EPO: variants seen among roughly 807,000 people sequenced by gnomAD.
EPO encodes erythropoietin.
EPO carries 12 observed loss-of-function variants against 24.4 expected under a neutral mutation model. That is an observed-to-expected ratio of 0.49 (90% CI 0.32 to 0.80). EPO has a LOEUF of 0.80. Ranked by LOEUF, EPO falls within the 30% of genes least tolerant of loss-of-function variation. EPO has a pLI of 0.04. For missense variants in EPO, 210 were observed against 238.0 expected (o/e 0.88, Z 0.77); for synonymous variants, 107 against 104.0 (o/e 1.03, Z -0.18).
chr7:100,721,574 G>C lies in EPO; in HGVS notation c.30G>C (p.Leu10=). ...CTGTTCTAGAATGTCCTGCCTGGCT[G>C]TGGCTTCTCCTGTCCCTGCTGTCGC... MGVHECPAW[L]WLLLSLLSLP... The change falls in exon 2 of 5, where the codon CTG becomes CTC. Residue 10 remains leucine, a synonymous_variant. Coordinates refer to ENST00000252723, the MANE Select transcript of EPO (RefSeq NM_000799.4). The surrounding 1 kb of genome is among the most constrained non-coding windows in gnomAD (Gnocchi z 4.0). 6.2e-7 allele frequency: 1 copy of C among 1,614,038 alleles called. No homozygotes were observed. The highest frequency in any genetic ancestry group is 1.1e-5 in the South Asian group (1 of 91,086).
In EPO at chr7:100,723,226, G is replaced by T. The variant is rs141911577; in HGVS notation, c.*93G>T. The T allele has an allele frequency of 7.4e-5, 108 of 1,469,200 alleles. No individual in the cohort carries two copies. In the East Asian group the frequency reaches 1.8e-3, roughly 24 times the overall value. The allele number at this position is 1,469,200 out of a possible 1,614,324, so 91.0% of individuals were successfully genotyped here. On this transcript the variant is annotated 3_prime_UTR_variant, in exon 5 of 5. Coordinates refer to ENST00000252723, the MANE Select transcript of EPO (RefSeq NM_000799.4). ...CGCCACTCCTGAACCCCGTCGAGGG[G>T]CTCTCAGCTCAGCGCCAGCCTGTCC...
Position 100,721,589 on chromosome 7 carries a change from C to A in EPO, c.45C>A (p.Ser15=), listed in dbSNP as rs767873303. The change falls in exon 2 of 5, where the codon TCC becomes TCA. Residue 15 remains serine (S), a synonymous_variant. Transcript: ENST00000252723. The surrounding 1 kb of genome is among the most constrained non-coding windows in gnomAD (Gnocchi z 4.0). ...CTGCCTGGCTGTGGCTTCTCCTGTC[C>A]CTGCTGTCGCTCCCTCTGGGCCTCC... ...ECPAWLWLLL[S]LLSLPLGLPV... is the part of the protein sequence containing the mutation. The A allele has an allele frequency of 1.2e-6, 2 of 1,614,036 alleles. No individual in the cohort carries two copies. Among genetic ancestry groups the A allele is most frequent in the Non-Finnish European group, 1.7e-6 (2 of 1,180,030 alleles).
In EPO at chr7:100,723,190, A is replaced by C; in HGVS notation, c.*57A>C. On this transcript the variant is annotated 3_prime_UTR_variant, in exon 5 of 5. Transcript: ENST00000252723. ...CTCCCTCACCAACATTGCTTGTGCC[A>C]CACCCTCCCCCGCCACTCCTGAACC... is the stretch of plus-strand genomic sequence containing the variant. The C allele has an allele frequency of 7.2e-6, 11 of 1,526,772 alleles. No homozygotes were observed. Among genetic ancestry groups the C allele is most frequent in the Middle Eastern group, 4.6e-4 (2 of 4,362 alleles). The allele number at this position is 1,526,772 out of a possible 1,614,324, so 94.6% of individuals were successfully genotyped here. A position where few individuals can be genotyped will look rare whatever the true frequency, so the allele number is the denominator to read the frequency against.
chr7:100,721,689 G>T lies in EPO; in HGVS notation c.145G>T (p.Ala49Ser), dbSNP rs781053357. Residue 49 changes from alanine (A) to serine (S), a missense_variant, in exon 2 of 5, where the codon GCC becomes TCC. Ala to Ser is a moderately conservative substitution (Grantham distance 99). Coordinates refer to ENST00000252723, the MANE Select transcript of EPO (RefSeq NM_000799.4). The surrounding 1 kb of genome is among the most constrained non-coding windows in gnomAD (Gnocchi z 4.0). Reference sequence around the variant, plus strand: ...GAGGTACCTCTTGGAGGCCAAGGAGGCCGAGAATATCACGGTGAGACCCCT... The same window carrying T: ...GAGGTACCTCTTGGAGGCCAAGGAGTCCGAGAATATCACGGTGAGACCCCT... ...LERYLLEAKE[A>S]ENITTGCAEH... 2 of 1,610,612 alleles carry T rather than the reference G, an allele frequency of 1.2e-6. No individual in the cohort carries two copies. The highest frequency in any genetic ancestry group is 1.7e-6 in the Non-Finnish European group (2 of 1,179,936).
chr7:100,723,041 A>G lies in EPO; in HGVS notation c.490A>G (p.Thr164Ala), dbSNP rs1164340906. The change falls in exon 5 of 5, where the codon ACT becomes GCT. Residue 164 changes from threonine to alanine, a missense_variant. Thr to Ala is a moderately conservative substitution (Grantham distance 58). Transcript: ENST00000252723. ...TCCACTCCGAACAATCACTGCTGAC[A>G]CTTTCCGCAAACTCTTCCGAGTCTA... is the stretch of plus-strand genomic sequence containing the variant. Reference protein sequence around the residue: ...AAPLRTITADTFRKLFRVYSN... With the variant: ...AAPLRTITADAFRKLFRVYSN... 3 of 1,614,080 alleles carry G rather than the reference A, an allele frequency of 1.9e-6. No individual in the cohort carries two copies. Among genetic ancestry groups the G allele is most frequent in the Non-Finnish European group, 2.5e-6 (3 of 1,180,036 alleles).
Position 100,721,006 on chromosome 7 carries a change from G to T in EPO, c.13+13G>T. On this transcript the variant is annotated intron_variant, in intron 1 of 4. Transcript: ENST00000252723. This position sits in a 1 kb window ranked among gnomAD's most constrained non-coding sequence, Gnocchi z 4.0. ...ATGGGGGTGCACGGTGAGTACTCGC[G>T]GGCTGGGCGCTCCCGCCCGCCCGGG... The T allele has an allele frequency of 6.3e-7, 1 of 1,575,770 alleles. No homozygotes were observed. Among genetic ancestry groups the T allele is most frequent in the South Asian group, 1.2e-5 (1 of 86,700 alleles).
In EPO at chr7:100,720,970, C is replaced by T; in HGVS notation, c.-11C>T. Reference sequence around the variant, plus strand: ...CCCCAGGTCGCTGAGGGACCCCGGCCAGGCGCGGAGATGGGGGTGCACGGT... The same window carrying T: ...CCCCAGGTCGCTGAGGGACCCCGGCTAGGCGCGGAGATGGGGGTGCACGGT... On this transcript the variant is annotated 5_prime_UTR_variant, in exon 1 of 5. An upstream open reading frame in the 5' UTR gains an earlier in-frame stop. Transcript: ENST00000252723. 6.4e-7 allele frequency: 1 copy of T among 1,571,388 alleles called. No individual in the cohort carries two copies. The highest frequency in any genetic ancestry group is 2.4e-5 in the East Asian group (1 of 42,054).
rs1273964359 is a variant in EPO, at chr7:100,720,899, G to A, written c.-82G>A. The A allele has an allele frequency of 3.4e-6, 5 of 1,481,336 alleles. No homozygotes were observed. The highest frequency in any genetic ancestry group is 2.7e-5 in the East Asian group (1 of 36,968). The allele number at this position is 1,481,336 out of a possible 1,614,324, so 91.8% of individuals were successfully genotyped here. A position where few individuals can be genotyped will look rare whatever the true frequency, so the allele number is the denominator to read the frequency against. ...AGGCCCGTGGGGCTGGCCCTGCACC[G>A]CCGAGCTTCCCGGGATGAGGGCCCC... is the stretch of plus-strand genomic sequence containing the variant. On this transcript the variant is annotated 5_prime_UTR_variant, in exon 1 of 5. Transcript: ENST00000252723.
chr7:100,722,924 G>A lies in EPO; in HGVS notation c.427-54G>A, dbSNP rs148112068. 52 of 1,609,720 alleles carry A rather than the reference G, an allele frequency of 3.2e-5. 1 individual carries two copies. The highest frequency in any genetic ancestry group is 1.9e-4 in the African/African-American group (14 of 74,954). On this transcript the variant is annotated intron_variant, in intron 4 of 4. Transcript: ENST00000252723. ...TTGCTAAGGAGTACAGGAACTGTCC[G>A]TATTCCTTCCCTTTCTGTGGCACTG...
rs757662591 is a variant in EPO at position 100,722,733 on chromosome 7, G to T, written c.316G>T (p.Ala106Ser). The change falls in exon 4 of 5, where the codon GCC (alanine) becomes TCC (serine). Residue 106 changes from alanine to serine, a missense_variant. Physicochemically the swap from Ala to Ser is moderately conservative, Grantham distance 99 (BLOSUM62 1). Coordinates refer to ENST00000252723, the MANE Select transcript of EPO (RefSeq NM_000799.4). ...LLSEAVLRGQ[A>S]LLVNSSQPWE... ...GTCGGAAGCTGTCCTGCGGGGCCAG[G>T]CCCTGTTGGTCAACTCTTCCCAGCC... is the stretch of plus-strand genomic sequence containing the variant. The T allele has an allele frequency of 6.2e-7, 1 of 1,613,624 alleles. No individual in the cohort carries two copies. Among genetic ancestry groups the T allele is most frequent in the Admixed American group, 1.7e-5 (1 of 59,994 alleles).
At position 100,723,350 on chromosome 7, in the gene EPO, G is replaced by A; in HGVS notation, c.*217G>A. The A allele has an allele frequency of 1.8e-6, 1 of 544,120 alleles. No individual in the cohort carries two copies. 33.7% of individuals were successfully genotyped at this position (544,120 alleles called of 1,614,324 possible). A position where few individuals can be genotyped will look rare whatever the true frequency, so the allele number is the denominator to read the frequency against. ...AGGATGTCACAGGGCCAACTTGAGG[G>A]CCCAGAGCAGGAAGCATTCAGAGAG... On this transcript the variant is annotated 3_prime_UTR_variant, in exon 5 of 5. Transcript: ENST00000252723.
rs748386526 is a variant in EPO, at chr7:100,722,994, C to T, written c.443C>T (p.Pro148Leu). The T allele has an allele frequency of 1.2e-6, 2 of 1,614,098 alleles. No individual in the cohort carries two copies. The highest frequency in any genetic ancestry group is 1.1e-5 in the South Asian group (1 of 91,076). Residue 148 changes from proline to leucine, a missense_variant, in exon 5 of 5, where the codon CCT becomes CTT. Coordinates refer to ENST00000252723, the MANE Select transcript of EPO (RefSeq NM_000799.4). ...CCTTGGCAGAAGGAAGCCATCTCCCCTCCAGATGCGGCCTCAGCTGCTCCA... is the reference window on the plus strand; with the variant it reads ...CCTTGGCAGAAGGAAGCCATCTCCCTTCCAGATGCGGCCTCAGCTGCTCCA... ...ALGAQKEAISPPDAASAAPLR... is the reference protein window; with the variant it reads ...ALGAQKEAISLPDAASAAPLR...
At position 100,720,962 on chromosome 7, in the gene EPO, A is replaced by T; in HGVS notation, c.-19A>T. 1 of 1,564,152 alleles carries T rather than the reference A, an allele frequency of 6.4e-7. No individual in the cohort carries two copies. The highest frequency in any genetic ancestry group is 8.6e-7 in the Non-Finnish European group (1 of 1,157,516). Reference sequence around the variant, plus strand: ...CCGGCGCGCCCCAGGTCGCTGAGGGACCCCGGCCAGGCGCGGAGATGGGGG... The same window carrying T: ...CCGGCGCGCCCCAGGTCGCTGAGGGTCCCCGGCCAGGCGCGGAGATGGGGG... On this transcript the variant is annotated 5_prime_UTR_variant, in exon 1 of 5. Coordinates refer to ENST00000252723, the MANE Select transcript of EPO (RefSeq NM_000799.4).
Position 100,721,673 on chromosome 7 carries a change from C to A in EPO, c.129C>A (p.Leu43=), listed in dbSNP as rs1806742293. The A allele has an allele frequency of 6.2e-7, 1 of 1,612,330 alleles. No homozygotes were observed. The highest frequency in any genetic ancestry group is 1.7e-5 in the Admixed American group (1 of 59,992). The stretch of plus-strand genomic sequence containing the variant: ...ACAGCCGAGTCCTGGAGAGGTACCT[C>A]TTGGAGGCCAAGGAGGCCGAGAATA... The part of the protein sequence containing the change: ...ICDSRVLERY[L]LEAKEAENIT... Residue 43 remains leucine (L), a synonymous_variant, in exon 2 of 5, where the codon CTC becomes CTA. Transcript: ENST00000252723. The surrounding 1 kb of genome is among the most constrained non-coding windows in gnomAD (Gnocchi z 4.0).
chr7:100,722,962 GT>G lies in EPO; in HGVS notation c.427-12del. 6.2e-7 allele frequency: 1 copy of G among 1,613,560 alleles called. No homozygotes were observed. Among genetic ancestry groups the G allele is most frequent in the Non-Finnish European group, 8.5e-7 (1 of 1,179,720 alleles). On this transcript the variant is annotated splice_polypyrimidine_tract_variant and intron_variant, in intron 4 of 4. Coordinates refer to ENST00000252723, the MANE Select transcript of EPO (RefSeq NM_000799.4). ...TTCTGTGGCACTGCAGCGACCTCCT[GT>G]TTTCTCCTTGGCAGAAGGAAGCCAT... is the stretch of plus-strand genomic sequence containing the variant.
Position 100,722,685 on chromosome 7 carries a change from G to A in EPO, c.268G>A (p.Val90Ile). The change falls in exon 4 of 5, where the codon GTC becomes ATC. Residue 90 changes from valine (V) to isoleucine (I), a missense_variant. Coordinates refer to ENST00000252723, the MANE Select transcript of EPO (RefSeq NM_000799.4). ...GTAGGTCGGGCAGCAGGCCGTAGAA[G>A]TCTGGCAGGGCCTGGCCCTGCTGTC... ...RMEVGQQAVE[V>I]WQGLALLSEA... is the part of the protein sequence containing the mutation. 1 of 1,601,050 alleles carries A rather than the reference G, an allele frequency of 6.2e-7. No individual in the cohort carries two copies. Among genetic ancestry groups the A allele is most frequent in the Non-Finnish European group, 8.5e-7 (1 of 1,176,880 alleles).
In EPO at chr7:100,721,077, G is replaced by C; in HGVS notation, c.13+84G>C. On this transcript the variant is annotated intron_variant, in intron 1 of 4. Transcript: ENST00000252723. This position sits in a 1 kb window ranked among gnomAD's most constrained non-coding sequence, Gnocchi z 4.0. Reference sequence around the variant, plus strand: ...TAGCGCCCCGGCTATTGGCCAGGAGGTGGCTGGGTTCAAGGACCGGCGACT... The same window carrying C: ...TAGCGCCCCGGCTATTGGCCAGGAGCTGGCTGGGTTCAAGGACCGGCGACT... The C allele has an allele frequency of 6.9e-7, 1 of 1,444,746 alleles. No individual in the cohort carries two copies. Among genetic ancestry groups the C allele is most frequent in the South Asian group, 1.3e-5 (1 of 74,504 alleles). 89.5% of individuals were successfully genotyped at this position (1,444,746 alleles called of 1,614,324 possible).
At position 100,721,112 on chromosome 7, in the gene EPO, C is replaced by T. The variant is rs1031173251; in HGVS notation, c.13+119C>T. On this transcript the variant is annotated intron_variant, in intron 1 of 4. Coordinates refer to ENST00000252723, the MANE Select transcript of EPO (RefSeq NM_000799.4). The surrounding 1 kb of genome is among the most constrained non-coding windows in gnomAD (Gnocchi z 4.0). ...TCAAGGACCGGCGACTTGTCAAGGA[C>T]CCCGGAAGGGGGAGGGGGGTGGGGC... is the stretch of plus-strand genomic sequence containing the variant. 1.0e-5 allele frequency: 12 copies of T among 1,186,946 alleles called. No individual in the cohort carries two copies. In the Middle Eastern group the frequency reaches 2.0e-3, roughly 200 times the overall value. The allele number at this position is 1,186,946 out of a possible 1,614,324, so 73.5% of individuals were successfully genotyped here.
chr7:100,722,972 T>C lies in EPO; in HGVS notation c.427-6T>C. 1.2e-6 allele frequency: 2 copies of C among 1,613,816 alleles called. No homozygotes were observed. The highest frequency in any genetic ancestry group is 1.7e-6 in the Non-Finnish European group (2 of 1,179,854). ...CTGCAGCGACCTCCTGTTTTCTCCT[T>C]GGCAGAAGGAAGCCATCTCCCCTCC... is the stretch of plus-strand genomic sequence containing the variant. On this transcript the variant is annotated splice_polypyrimidine_tract_variant and splice_region_variant and intron_variant, in intron 4 of 4. Transcript: ENST00000252723.
Sources: gnomAD v4.1 joint callset for allele counts on GRCh38, gnomAD v4.1.1 for gene constraint, Gnocchi (gnomAD v3.1) non-coding constraint, MANE v1.5 for transcripts, NCBI Gene and HGNC (gene_info 2026-07-23, HGNC 2026-07-21) for gene names.